The following PRKCB variants were observed in gnomAD, a reference collection of about 807,000 sequenced individuals.
The protein encoded by PRKCB is protein kinase C beta, also known as protein kinase C beta type.
A neutral mutation model predicts 81.5 loss-of-function variants in PRKCB; 13 were observed. The observed-to-expected ratio is 0.16, with a 90% confidence interval of 0.10 to 0.25. The LOEUF (loss-of-function observed/expected upper bound fraction) is 0.25, where lower values mean the gene tolerates loss of function less well. Among genes scored for constraint, PRKCB ranks in the 10% least tolerant of loss-of-function variants. The pLI, the probability that PRKCB is intolerant of heterozygous loss-of-function variation, is 1.00. For missense variants in PRKCB, 509 were observed against 875.7 expected (o/e 0.58, Z 5.29); for synonymous variants, 335 against 321.4 (o/e 1.04, Z -0.45).
intron 2 of PRKCB, among the ~76,000 whole-genome samples, chr16:23,850,173 A>G (rs1962449575): frequency 6.6e-6 from 1 of 151,970 alleles, no homozygotes; most frequent in African/African-American, 2.4e-5. Flanking sequence ...AAGTCTGGGT[A>G]GGATTCTATT....
At chr16:23,894,897 A>T (rs1963352645) in intron 2 of PRKCB, among the ~76,000 whole-genome samples, 1 of 152,022 alleles carries the variant, frequency 6.6e-6, no homozygotes, top group Non-Finnish European at 1.5e-5. Flanking sequence ...GCTGTCTTTG[A>T]CAAGTTTTTG....
intron 7 of PRKCB, among the ~76,000 whole-genome samples, chr16:24,110,870 A>T (rs1034909176): frequency 3.3e-5 from 5 of 152,056 alleles, no homozygotes; most frequent in African/African-American, 1.2e-4. Flanking sequence ...ATTATTTTCT[A>T]TTTGTAACAA....
At chr16:23,894,924 A>G (rs1963353490) in intron 2 of PRKCB, among the ~76,000 whole-genome samples, 1 of 152,146 alleles carries the variant, frequency 6.6e-6, no homozygotes, top group Non-Finnish European at 1.5e-5. Flanking sequence ...TCATCAAAAC[A>G]TCTGGGAAGT....
rs528413110 is a variant in PRKCB, at chr16:24,218,873, G to A, written c.*4057G>A. On this transcript the variant is annotated 3_prime_UTR_variant, in exon 17 of 17. Coordinates refer to ENST00000643927, the MANE Select transcript of PRKCB (RefSeq NM_002738.7). ...AGCCATGGGGTTGTCCCTCCAGTCC[G>A]AGAGACTGTGATGAGGCCTACATAG... 2.1e-5 allele frequency: 21 copies of A among 985,422 alleles called. No individual in the cohort carries two copies. The East Asian group carries it at 3.4e-4, about 16-fold the overall frequency. 61.0% of individuals were successfully genotyped at this position (985,422 alleles called of 1,614,324 possible).
At position 24,217,193 on chromosome 16, in the gene PRKCB, T is replaced by C; in HGVS notation, c.*2377T>C. The C allele has an allele frequency of 1.0e-6, 1 of 983,274 alleles. No homozygotes were observed. Among genetic ancestry groups the C allele is most frequent in the Non-Finnish European group, 1.2e-6 (1 of 828,866 alleles). The allele number at this position is 983,274 out of a possible 1,614,324, so 60.9% of individuals were successfully genotyped here. A position where few individuals can be genotyped will look rare whatever the true frequency, so the allele number is the denominator to read the frequency against. On this transcript the variant is annotated 3_prime_UTR_variant, in exon 17 of 17. Coordinates refer to ENST00000643927, the MANE Select transcript of PRKCB (RefSeq NM_002738.7). Reference sequence around the variant, plus strand: ...AGGAAGGAAGGAAGGAATATAGTGTTATAAATACTGCACTCAACATTTTCC... The same window carrying C: ...AGGAAGGAAGGAAGGAATATAGTGTCATAAATACTGCACTCAACATTTTCC...
chr16:23,915,708 A>AAAAAAAAAAAAC, intron 2 of PRKCB, among the ~76,000 whole-genome samples: 1 of 150,760 alleles, frequency 6.6e-6, no homozygotes, highest in Non-Finnish European at 1.5e-5. Context: ...AAAAAAAAAA[A>AAAAAAAAAAAAC]AAAAGCAGAA....
intron 2 of PRKCB, among the ~76,000 whole-genome samples, chr16:23,947,740 AT>A (rs1964222236): frequency 6.6e-6 from 1 of 152,106 alleles, no homozygotes; most frequent in Non-Finnish European, 1.5e-5. Flanking sequence ...ATGAAGAATG[AT>A]TGGGGCACAG....
intron 3 of PRKCB, among the ~76,000 whole-genome samples, chr16:24,028,680 T>A (rs1965513605): frequency 6.6e-6 from 1 of 152,276 alleles, no homozygotes; most frequent in Non-Finnish European, 1.5e-5. Context: ...TGCTGAAAAG[T>A]ATTCCACTGT....
At chr16:23,925,811 C>T (rs561117905) in intron 2 of PRKCB, among the ~76,000 whole-genome samples, 1 of 152,114 alleles carries the variant, frequency 6.6e-6, no homozygotes, top group South Asian at 2.1e-4. Context: ...ATGACTATTA[C>T]TCAACAGTCA....
At chr16:23,934,233 T>TG (rs5816231) in intron 2 of PRKCB, among the ~76,000 whole-genome samples, 67,943 of 151,730 alleles carry the variant, frequency 0.45, 16,351 homozygotes, top group African/African-American at 0.62. Flanking sequence ...GGATTCTGCC[T>TG]GGCCTCTCTC....
chr16:24,130,294 A>G lies in PRKCB; in HGVS notation c.1065+6313A>G, dbSNP rs561609302. ...TCACACAGGCATGAAAGCAACTGTG[A>G]TGTTTAGTATGTTCCATGGGCACCT... On this transcript the variant is annotated intron_variant, in intron 9 of 16. Transcript: ENST00000643927. 1.3e-3 allele frequency among the ~76,000 whole-genome samples: 196 copies of G among 152,298 alleles called. 1 individual carries two copies. The highest frequency in any genetic ancestry group is 4.5e-3 in the African/African-American group (188 of 41,578).
At chr16:24,190,764 G>A (rs568612910) in intron 15 of PRKCB, among the ~76,000 whole-genome samples, 221 of 152,086 alleles carry the variant, frequency 1.5e-3, no homozygotes, top group African/African-American at 5.0e-3. Context: ...TGATTCGCCC[G>A]CCTAGGCCTC....
chr16:24,210,500 T>C (rs1286687586), intron 16 of PRKCB, among the ~76,000 whole-genome samples: 3 of 146,700 alleles, frequency 2.0e-5, no homozygotes, highest in African/African-American at 8.0e-5. Context: ...GACTTTCTTC[T>C]TCTTTTTTTT....
intron 5 of PRKCB, among the ~76,000 whole-genome samples, chr16:24,077,490 C>A (rs2141889724): frequency 9.0e-6 from 1 of 111,228 alleles, no homozygotes; most frequent in Middle Eastern, 6.0e-3. Flanking sequence ...TTCATCTCTC[C>A]ATCCATCCAT....
intron 2 of PRKCB, among the ~76,000 whole-genome samples, chr16:23,895,711 G>C (rs796509182): frequency 9.9e-5 from 15 of 152,228 alleles, no homozygotes; most frequent in African/African-American, 3.6e-4. Flanking sequence ...TCTCCTAAAA[G>C]CTTGGTGATA....
rs145133111 is a variant in PRKCB at position 24,206,878 on chromosome 16, T to C, written c.1864-7780T>C. Among the ~76,000 whole-genome samples, 24 of 152,378 alleles carry C rather than the reference T, an allele frequency of 1.6e-4. No homozygotes were observed. The East Asian group carries it at 4.6e-3, about 29-fold the overall frequency. ...AACAGCCAAATATTAGCCTTCCTTA[T>C]TATCCCTTAGCACCAAAATACACGT... is the stretch of plus-strand genomic sequence containing the variant. On this transcript the variant is annotated intron_variant, in intron 16 of 16. Transcript: ENST00000643927.
chr16:24,212,402 TAAAAAAAAA>T (rs35650101), intron 16 of PRKCB, among the ~76,000 whole-genome samples: 1 of 97,170 alleles, frequency 1.0e-5, no homozygotes, highest in African/African-American at 4.0e-5. Context: ...TTCTGTGCTT[TAAAAAAAAA>T]AAAAAAAAAA....
intron 2 of PRKCB, among the ~76,000 whole-genome samples, chr16:23,838,137 A>T (rs776795856): frequency 6.6e-6 from 1 of 152,142 alleles, no homozygotes; most frequent in Non-Finnish European, 1.5e-5. Context: ...ACAGATTGCA[A>T]ATTGGCTCTC....
intron 16 of PRKCB, among the ~76,000 whole-genome samples, chr16:24,192,982 C>T (rs1315182144): frequency 6.6e-6 from 1 of 151,778 alleles, no homozygotes; most frequent in African/African-American, 2.4e-5. Flanking sequence ...TTTTTAAAGA[C>T]AGGGTCTTCT....
Sources: gnomAD v4.1 joint callset for allele counts (sites outside exome capture counted in the v4.1 genomes callset) on GRCh38, gnomAD v4.1.1 for gene constraint, MANE v1.5 for transcripts, NCBI Gene and HGNC (gene_info 2026-07-23, HGNC 2026-07-21) for gene names.